Variants in GREB1L observed in about 807,000 individuals in gnomAD.
GREB1L encodes GREB1 like retinoic acid receptor coactivator.
GREB1L carries 17 observed loss-of-function variants against 200.8 expected under a neutral mutation model. The ratio of observed to expected loss-of-function variants is 0.08; its 90% confidence interval spans 0.06 to 0.13. The LOEUF is 0.13. Among genes scored for constraint, GREB1L ranks in the 10% least tolerant of loss-of-function variants. The probability of loss-of-function intolerance (pLI) is 1.00; values close to 1 mark genes in which losing one functional copy is unlikely to be tolerated. For missense variants in GREB1L, 1,657 were observed against 2,367.7 expected (o/e 0.70, Z 6.23); for synonymous variants, 789 against 893.0 (o/e 0.88, Z 2.08).
intron 7 of GREB1L, among the ~76,000 whole-genome samples, chr18:21,435,802 A>G (rs990516786): frequency 3.3e-5 from 5 of 152,172 alleles, no homozygotes; most frequent in Admixed American, 6.5e-5. Flanking sequence ...ATTTCACTCT[A>G]TAACTTATAG....
intron 1 of GREB1L, among the ~76,000 whole-genome samples, chr18:21,313,850 A>G (rs1037018374): frequency 5.3e-5 from 8 of 152,218 alleles, no homozygotes; most frequent in African/African-American, 1.9e-4. Context: ...CCCAAAGCCA[A>G]ATTACTCTGC....
intron 1 of GREB1L, among the ~76,000 whole-genome samples, chr18:21,330,217 C>T (rs1232193826): frequency 1.3e-5 from 2 of 152,204 alleles, no homozygotes; most frequent in Admixed American, 6.5e-5. Context: ...AGGGCAGCAC[C>T]AACGAGCTGC....
At position 21,525,974 on chromosome 18, in the gene GREB1L, A is replaced by C. The variant is rs1254000319; in HGVS notation, c.*3153A>C. On this transcript the variant is annotated 3_prime_UTR_variant, in exon 33 of 33. Coordinates refer to ENST00000424526, the MANE Select transcript of GREB1L (RefSeq NM_001142966.3). ...AGACTTTCAGAGGAAAGTAAAGACTACTGGTGTTCCACTATACATTCCAAA... is the reference window on the plus strand; with the variant it reads ...AGACTTTCAGAGGAAAGTAAAGACTCCTGGTGTTCCACTATACATTCCAAA... Among the ~76,000 whole-genome samples, 1 of 152,204 alleles carries C rather than the reference A, an allele frequency of 6.6e-6. No individual in the cohort carries two copies. The highest frequency in any genetic ancestry group is 1.5e-5 in the Non-Finnish European group (1 of 68,026).
Position 21,477,192 on chromosome 18 carries a change from G to A in GREB1L, c.2392G>A (p.Glu798Lys), listed in dbSNP as rs868440722. 1.4e-5 allele frequency: 21 copies of A among 1,551,564 alleles called. No homozygotes were observed. Among genetic ancestry groups the A allele is most frequent in the Middle Eastern group, 1.7e-4 (1 of 6,014 alleles). ...SVISGSLSHS[E>K]PSHGLADRVI... ...CATTTCAGGCTCTTTGTCACATAGC[G>A]AACCCAGTCATGGGCTAGCTGATAG... Residue 798 changes from glutamate (E) to lysine (K), a missense_variant, in exon 17 of 33, where the codon GAA (glutamate) becomes AAA (lysine). By Grantham distance (56) the Glu-to-Lys change is moderately conservative (BLOSUM62 1). Coordinates refer to ENST00000424526, the MANE Select transcript of GREB1L (RefSeq NM_001142966.3).
intron 17 of GREB1L, among the ~76,000 whole-genome samples, chr18:21,484,588 G>A (rs1464622755): frequency 7.2e-5 from 11 of 152,114 alleles, no homozygotes; most frequent in African/African-American, 2.4e-4. Context: ...AGGCCAAGGC[G>A]GGCGGATCAC....
intron 1 of GREB1L, among the ~76,000 whole-genome samples, chr18:21,266,146 A>G (rs2037964103): frequency 6.6e-6 from 1 of 152,148 alleles, no homozygotes; most frequent in South Asian, 2.1e-4. Context: ...GTCCTTCTCC[A>G]TTCACTAAGC....
intron 7 of GREB1L, among the ~76,000 whole-genome samples, chr18:21,417,980 CA>C (rs370649676): frequency 0.049 from 3,939 of 80,134 alleles, 63 homozygotes; most frequent in Middle Eastern, 0.12. Context: ...GACTCCATCT[CA>C]AAAAAAAAAA....
intron 21 of GREB1L, among the ~76,000 whole-genome samples, chr18:21,497,609 A>C (rs1400105489): frequency 1.3e-5 from 2 of 151,444 alleles, no homozygotes; most frequent in Non-Finnish European, 2.9e-5. Context: ...GCACCACTGC[A>C]CTCCATTCTG....
At chr18:21,390,509 CA>C (rs1293773344) in intron 4 of GREB1L, among the ~76,000 whole-genome samples, 1 of 152,000 alleles carries the variant, frequency 6.6e-6, no homozygotes, top group Non-Finnish European at 1.5e-5. Context: ...TAGTTTTTAA[CA>C]AAAAAGTTTG....
chr18:21,453,579 A>G (rs1483193604), intron 14 of GREB1L, among the ~76,000 whole-genome samples: 1 of 152,206 alleles, frequency 6.6e-6, no homozygotes, highest in Non-Finnish European at 1.5e-5. Flanking sequence ...AGAAAGATTG[A>G]TCGCTTGATT....
In GREB1L at chr18:21,523,620, CAG is replaced by C. The variant is rs2037638896; in HGVS notation, c.*800_*801del. ...ATTAATCTTTTGCAAGAACTTAAGT[CAG>C]TTAAGAAGCTTTCAGCAGGTAACCT... On this transcript the variant is annotated 3_prime_UTR_variant, in exon 33 of 33. Transcript: ENST00000424526. 6.6e-6 allele frequency: 1 copy of C among 152,186 alleles called. No individual in the cohort carries two copies. Among genetic ancestry groups the C allele is most frequent in the Non-Finnish European group, 1.5e-5 (1 of 68,038 alleles). The allele number at this position is 152,186 out of a possible 1,614,324, so 9.4% of individuals were successfully genotyped here.
chr18:21,497,503 G>T (rs2036590418), intron 21 of GREB1L, among the ~76,000 whole-genome samples: 1 of 151,916 alleles, frequency 6.6e-6, no homozygotes, highest in Non-Finnish European at 1.5e-5. Context: ...AATTAGCTGG[G>T]CATGGTGGCG....
At chr18:21,342,743 G>GT (rs1455279032) in intron 1 of GREB1L, among the ~76,000 whole-genome samples, 1 of 152,070 alleles carries the variant, frequency 6.6e-6, no homozygotes, top group Non-Finnish European at 1.5e-5. Flanking sequence ...ATTTCATTTT[G>GT]TTTTTTCATC....
intron 1 of GREB1L, among the ~76,000 whole-genome samples, chr18:21,328,682 A>T (rs1028367942): frequency 2.0e-5 from 3 of 151,936 alleles, no homozygotes; most frequent in African/African-American, 7.3e-5. Flanking sequence ...GTACGTGCAT[A>T]TGTGAATATG....
intron 1 of GREB1L, among the ~76,000 whole-genome samples, chr18:21,321,184 C>T: frequency 6.6e-6 from 1 of 151,818 alleles, no homozygotes. Context: ...ATCCCAGCTA[C>T]TCAGGAGGCC....
rs1568085865 is a variant in GREB1L, at chr18:21,525,536, G to C, written c.*2715G>C. ...GTCACATTATAGGTTGGACAACCAA[G>C]ATTAAAGAGGTGTTGAAAACATACA... On this transcript the variant is annotated 3_prime_UTR_variant, in exon 33 of 33. Transcript: ENST00000424526. 1 of 152,112 alleles carries C rather than the reference G, an allele frequency of 6.6e-6. No individual in the cohort carries two copies. Among genetic ancestry groups the C allele is most frequent in the African/African-American group, 2.4e-5 (1 of 41,392 alleles). The allele number at this position is 152,112 out of a possible 1,614,324, so 9.4% of individuals were successfully genotyped here.
intron 1 of GREB1L, among the ~76,000 whole-genome samples, chr18:21,314,253 C>G (rs2038834560): frequency 1.3e-5 from 2 of 152,124 alleles, no homozygotes; most frequent in African/African-American, 4.8e-5. Flanking sequence ...AATGCTTGCT[C>G]CTTACACATC....
At chr18:21,281,809 C>T (rs1053353609) in intron 1 of GREB1L, among the ~76,000 whole-genome samples, 2 of 152,126 alleles carry the variant, frequency 1.3e-5, no homozygotes, top group African/African-American at 2.4e-5. Flanking sequence ...GTAATGGTTG[C>T]ATAACTCTAC....
At chr18:21,486,009 T>C (rs1402746713) in intron 18 of GREB1L, among the ~76,000 whole-genome samples, 3 of 152,196 alleles carry the variant, frequency 2.0e-5, no homozygotes, top group Admixed American at 1.3e-4. Context: ...CCGGTCATGC[T>C]TCACTGCTAT....
Sources: gnomAD v4.1 joint callset for allele counts (sites outside exome capture counted in the v4.1 genomes callset) on GRCh38, gnomAD v4.1.1 for gene constraint, MANE v1.5 for transcripts, NCBI Gene and HGNC (gene_info 2026-07-23, HGNC 2026-07-21) for gene names.